The following NTM variants were observed in gnomAD, a reference collection of about 807,000 sequenced individuals.
NTM encodes the protein IgLON family member 2.
A neutral mutation model predicts 42.1 loss-of-function variants in NTM; 13 were observed. The observed-to-expected ratio is 0.31, with a 90% confidence interval of 0.20 to 0.49. The LOEUF (loss-of-function observed/expected upper bound fraction) is 0.49, where lower values mean the gene tolerates loss of function less well. NTM is among the 20% of genes least tolerant of loss of function. NTM has a pLI of 0.99. For missense variants in NTM, 373 were observed against 452.8 expected, an observed-to-expected ratio of 0.82 and a Z score of 1.60; for synonymous variants, 187 against 179.2, an observed-to-expected ratio of 1.04 and a Z score of -0.35.
chr11:131,464,083 G>A (rs1951663149), intron 1 of NTM, among the ~76,000 whole-genome samples: 2 of 152,188 alleles, frequency 1.3e-5, no homozygotes, highest in Admixed American at 6.5e-5. Flanking sequence ...TCCTCTCTCT[G>A]GAGATTGTGG....
At chr11:131,488,584 G>C (rs961157219) in intron 1 of NTM, among the ~76,000 whole-genome samples, 1 of 152,168 alleles carries the variant, frequency 6.6e-6, no homozygotes, top group Non-Finnish European at 1.5e-5. Context: ...TCCACTTCAC[G>C]ATGGCAAGTG....
At chr11:132,124,553 T>C (rs2065362857) in intron 2 of NTM, among the ~76,000 whole-genome samples, 1 of 152,256 alleles carries the variant, frequency 6.6e-6, no homozygotes, top group Admixed American at 6.5e-5. Context: ...CAATAATGAT[T>C]CTCAGTTTTG....
At chr11:132,279,562 A>T (rs1006532173) in intron 4 of NTM, among the ~76,000 whole-genome samples, 1 of 152,188 alleles carries the variant, frequency 6.6e-6, no homozygotes, top group African/African-American at 2.4e-5. Flanking sequence ...AATTATGTAT[A>T]AATACTTAAA....
chr11:132,249,297 G>A (rs544408327), intron 4 of NTM, among the ~76,000 whole-genome samples: 176 of 152,294 alleles, frequency 1.2e-3, no homozygotes, highest in Non-Finnish European at 1.3e-3. Context: ...GTATGTGTGT[G>A]TGAGGGTAAG....
At chr11:132,090,732 G>A (rs757996398) in intron 2 of NTM, among the ~76,000 whole-genome samples, 18 of 151,960 alleles carry the variant, frequency 1.2e-4, no homozygotes, top group Non-Finnish European at 2.2e-4. Context: ...GGCAATGCAT[G>A]GCTTCATCTA....
intron 1 of NTM, among the ~76,000 whole-genome samples, chr11:131,696,753 C>A (rs572865903): frequency 5.3e-5 from 8 of 151,424 alleles, no homozygotes; most frequent in Non-Finnish European, 7.4e-5. Flanking sequence ...TCTTGTTTCA[C>A]CTTTGTGTCT....
intron 4 of NTM, among the ~76,000 whole-genome samples, chr11:132,305,485 G>A (rs942912657): frequency 9.8e-5 from 15 of 152,308 alleles, no homozygotes; most frequent in African/African-American, 3.6e-4. Context: ...TTCAGATGGT[G>A]TAGGGCAAGC....
chr11:131,481,493 T>C (rs1394389222), intron 1 of NTM, among the ~76,000 whole-genome samples: 1 of 152,172 alleles, frequency 6.6e-6, no homozygotes, highest in African/African-American at 2.4e-5. Context: ...TCAGATGTGG[T>C]TAATGTCAGG....
chr11:131,849,966 TATAATAATAATAATA>T (rs10605011), intron 1 of NTM, among the ~76,000 whole-genome samples: 1 of 146,732 alleles, frequency 6.8e-6, no homozygotes, highest in Admixed American at 6.8e-5. Flanking sequence ...AAACTTAAAG[TATAATAATAATAATA>T]ATAATAATAA....
intron 1 of NTM, among the ~76,000 whole-genome samples, chr11:131,701,544 G>A (rs1343254485): frequency 6.6e-6 from 1 of 152,190 alleles, no homozygotes. Context: ...GCACGGGCAA[G>A]GATTCTGCCT....
chr11:131,608,540 C>CT (rs1201533343), intron 1 of NTM, among the ~76,000 whole-genome samples: 1 of 152,204 alleles, frequency 6.6e-6, no homozygotes, highest in East Asian at 1.9e-4. Context: ...GTGACAGGCC[C>CT]TGACAGCCTC....
At chr11:131,810,032 T>A (rs1016930800) in intron 1 of NTM, among the ~76,000 whole-genome samples, 1 of 152,216 alleles carries the variant, frequency 6.6e-6, no homozygotes, top group Non-Finnish European at 1.5e-5. Context: ...TGACACAGAT[T>A]TATCGATCTG....
intron 1 of NTM, among the ~76,000 whole-genome samples, chr11:131,683,830 TG>T (rs1294149018): frequency 6.6e-6 from 1 of 152,162 alleles, no homozygotes; most frequent in Admixed American, 6.5e-5. Context: ...TCATTGGAGC[TG>T]ATGGCGTCCT....
intron 1 of NTM, among the ~76,000 whole-genome samples, chr11:131,665,359 G>A (rs755827458): frequency 6.6e-6 from 1 of 152,138 alleles, no homozygotes; most frequent in African/African-American, 2.4e-5. Context: ...CATACTGTTT[G>A]GTCACTGTTA....
chr11:131,979,349 TAAAGA>T (rs1034267109), intron 2 of NTM, among the ~76,000 whole-genome samples: 1 of 151,078 alleles, frequency 6.6e-6, no homozygotes, highest in Non-Finnish European at 1.5e-5. Flanking sequence ...ATATTTAAAC[TAAAGA>T]AGTGTGTGAT....
chr11:131,865,975 C>T (rs542580528), intron 1 of NTM, among the ~76,000 whole-genome samples: 24 of 115,410 alleles, frequency 2.1e-4, no homozygotes, highest in African/African-American at 6.3e-4. Context: ...ACACATACAC[C>T]TCCCACACAC....
intron 1 of NTM, among the ~76,000 whole-genome samples, chr11:131,497,349 T>C (rs1414757949): frequency 7.0e-6 from 1 of 143,674 alleles, no homozygotes; most frequent in African/African-American, 2.6e-5. Context: ...CCACCATGCC[T>C]GGCTAACTTT....
chr11:131,514,883 T>A (rs766296049), intron 1 of NTM, among the ~76,000 whole-genome samples: 9 of 151,706 alleles, frequency 5.9e-5, no homozygotes, highest in Non-Finnish European at 1.2e-4. Flanking sequence ...TGAGCCCCCA[T>A]GCCCGGCCTT....
chr11:131,803,552 C>T (rs754373443), intron 1 of NTM, among the ~76,000 whole-genome samples: 21 of 152,180 alleles, frequency 1.4e-4, no homozygotes, highest in East Asian at 3.9e-4. Flanking sequence ...TCAAGCAATC[C>T]GCCCACGTTG....
Sources: allele counts gnomAD v4.1 joint callset (sites outside exome capture counted in the v4.1 genomes callset), GRCh38; gene constraint gnomAD v4.1.1; transcripts MANE v1.5; gene names NCBI Gene and HGNC (gene_info 2026-07-23, HGNC 2026-07-21).